The following MS4A10 variants were observed in gnomAD, a reference collection of about 807,000 sequenced individuals.
The protein encoded by MS4A10 is membrane spanning 4-domains A10.
Under a neutral mutation model 27.7 loss-of-function variants are expected in MS4A10, and 27 were observed. The observed-to-expected ratio is 0.98, with a 90% CI of 0.72 to 1.35. The LOEUF (loss-of-function observed/expected upper bound fraction) is 1.35. Ranked by LOEUF, MS4A10 falls within the 40% of genes most tolerant of loss-of-function variation. MS4A10 has a pLI of 0.00. For synonymous variants in MS4A10, 139 were observed against 131.2 expected (o/e 1.06, Z -0.41); for missense variants, 338 against 324.7 (o/e 1.04, Z -0.32).
chr11:60,787,896 A>G (rs1214989453), intron 1 of MS4A10, among the ~76,000 whole-genome samples: 1 of 152,102 alleles, frequency 6.6e-6, no homozygotes, highest in Non-Finnish European at 1.5e-5. Flanking sequence ...AGGTGCCTGT[A>G]ATCCCAGTTA....
Position 60,792,307 on chromosome 11 carries a change from T to C in MS4A10, c.346T>C (p.Ser116Pro). ...GILAITMKTF[S>P]KTYLKMLCLM... ...CTTGGCGATAACAATGAAGACCTTT[T>C]CTAAAACTTACCTGGTGAGTGGGCA... The change falls in exon 4 of 8, where the codon TCT becomes CCT. Residue 116 changes from serine (S) to proline (P), a missense_variant. Ser to Pro is a moderately conservative substitution (Grantham distance 74). Coordinates refer to ENST00000308287, the MANE Select transcript of MS4A10 (RefSeq NM_206893.4). 1 of 1,612,116 alleles carries C rather than the reference T, an allele frequency of 6.2e-7. No homozygotes were observed. The highest frequency in any genetic ancestry group is 8.5e-7 in the Non-Finnish European group (1 of 1,178,160).
intron 7 of MS4A10, among the ~76,000 whole-genome samples, 179 bp from the exon 8 acceptor site, chr11:60,799,649 C>T (rs866258530): frequency 7.2e-5 from 11 of 152,200 alleles, no homozygotes; most frequent in Non-Finnish European, 1.5e-4. Flanking sequence ...GAGCCATCAC[C>T]CTTGCCCTTC....
In MS4A10 at chr11:60,800,064, G is replaced by A. The variant is rs1565084731; in HGVS notation, c.*155G>A. 4 of 1,087,110 alleles carry A rather than the reference G, an allele frequency of 3.7e-6. No homozygotes were observed. Among genetic ancestry groups the A allele is most frequent in the Admixed American group, 2.2e-5 (1 of 44,734 alleles). The allele number at this position is 1,087,110 out of a possible 1,614,324, so 67.3% of individuals were successfully genotyped here. The stretch of plus-strand genomic sequence containing the variant: ...AGCCCTCACAGCTCCTGGGAACGCT[G>A]TCCTCTCAGATAAGCCATTTCTTAC... On this transcript the variant is annotated 3_prime_UTR_variant, in exon 8 of 8. Coordinates refer to ENST00000308287, the MANE Select transcript of MS4A10 (RefSeq NM_206893.4).
intron 1 of MS4A10, among the ~76,000 whole-genome samples, chr11:60,786,990 C>G (rs1301104089): frequency 1.3e-5 from 2 of 152,212 alleles, no homozygotes; most frequent in Non-Finnish European, 2.9e-5. Flanking sequence ...CAACTTCCAG[C>G]GCTCAGGGCC....
At chr11:60,798,547 T>C in intron 7 of MS4A10, 33 bp downstream of exon 7, 1 of 1,541,334 alleles carries the variant, frequency 6.5e-7, no homozygotes, top group South Asian at 1.1e-5. Flanking sequence ...CCCCAGACCT[T>C]CAGAACCCAC....
intron 1 of MS4A10, among the ~76,000 whole-genome samples, chr11:60,786,172 T>TGCACACAC (rs200289217): frequency 0.044 from 5,777 of 131,446 alleles, 389 homozygotes; most frequent in African/African-American, 0.15. Flanking sequence ...TGCACACACA[T>TGCACACAC]GCACACACAC....
At chr11:60,796,940 A>C (rs1854543297) in intron 6 of MS4A10, among the ~76,000 whole-genome samples, 1 of 152,208 alleles carries the variant, frequency 6.6e-6, no homozygotes, top group Non-Finnish European at 1.5e-5. Context: ...CAACTTTAGA[A>C]CATTATTTAA....
intron 6 of MS4A10, among the ~76,000 whole-genome samples, chr11:60,797,692 C>T (rs1278015490): frequency 1.3e-5 from 2 of 152,226 alleles, no homozygotes; most frequent in Non-Finnish European, 2.9e-5. Flanking sequence ...AACCTTAATT[C>T]CTCTCTGCCG....
chr11:60,799,804 T>A, intron 7 of MS4A10, 24 bp from the exon 8 acceptor site: 1 of 1,075,024 alleles, frequency 9.3e-7, no homozygotes, highest in East Asian at 2.4e-5. Context: ...CTGCTGTTGC[T>A]ATTAATATCT....
intron 4 of MS4A10, 112 bp downstream of exon 4, chr11:60,792,433 G>A: frequency 2.5e-6 from 2 of 808,746 alleles, no homozygotes; most frequent in African/African-American, 1.7e-5. Flanking sequence ...CTTGCTAAGA[G>A]CAGGCTCTTG....
chr11:60,799,876 C>T lies in MS4A10; in HGVS notation c.771C>T (p.Asp257=), dbSNP rs142117652. ...CCCCGGACACATGGATAGTCACTGACGGAGCTGCGATCTGGACCCAGACTG... is the reference window on the plus strand; with the variant it reads ...CCCCGGACACATGGATAGTCACTGATGGAGCTGCGATCTGGACCCAGACTG... ...QVAPDTWIVT[D]GAAIWTQTAN is the part of the protein sequence containing the mutation. Residue 257 remains aspartate, a synonymous_variant, in exon 8 of 8, where the codon GAC becomes GAT. Coordinates refer to ENST00000308287, the MANE Select transcript of MS4A10 (RefSeq NM_206893.4). 13 of 1,612,648 alleles carry T rather than the reference C, an allele frequency of 8.1e-6. No homozygotes were observed. The East Asian group carries it at 1.3e-4, about 17-fold the overall frequency.
intron 5 of MS4A10, among the ~76,000 whole-genome samples, chr11:60,794,667 TTTTC>T (rs909313044): frequency 6.6e-6 from 1 of 152,054 alleles, no homozygotes; most frequent in Admixed American, 6.5e-5. Flanking sequence ...AAGAATTCTT[TTTTC>T]TTTTTTTTTG....
At position 60,799,828 on chromosome 11, in the gene MS4A10, G is replaced by A; in HGVS notation, c.723G>A (p.Arg241=). The stretch of plus-strand genomic sequence containing the variant: ...CTATTAATATCTCCATTTCATGCAG[G>A]CTCAGAGAAGTTAAGCAAGTTGCCC... ...QGDAQHKQHQ[R]LREVKQVAPD... is the part of the protein sequence containing the mutation. The change falls in exon 8 of 8, where the codon AGG becomes AGA. Residue 241 remains arginine (R), a splice_region_variant and synonymous_variant. Coordinates refer to ENST00000308287, the MANE Select transcript of MS4A10 (RefSeq NM_206893.4). The A allele has an allele frequency of 7.4e-7, 1 of 1,351,306 alleles. No individual in the cohort carries two copies. The highest frequency in any genetic ancestry group is 1.1e-6 in the Non-Finnish European group (1 of 945,976). 83.7% of individuals were successfully genotyped at this position (1,351,306 alleles called of 1,614,324 possible). A position where few individuals can be genotyped will look rare whatever the true frequency, so the allele number is the denominator to read the frequency against.
chr11:60,800,178 T>A lies in MS4A10; in HGVS notation c.*269T>A. The A allele has an allele frequency of 2.2e-6, 1 of 459,974 alleles. No individual in the cohort carries two copies. Among genetic ancestry groups the A allele is most frequent in the Admixed American group, 3.6e-5 (1 of 27,910 alleles). The allele number at this position is 459,974 out of a possible 1,614,324, so 28.5% of individuals were successfully genotyped here. Reference sequence around the variant, plus strand: ...TTTCTTTTGTTTTGTTGAGATGGAGTCTCGCTCTGTTGCCCAGCCCAGAGT... The same window carrying A: ...TTTCTTTTGTTTTGTTGAGATGGAGACTCGCTCTGTTGCCCAGCCCAGAGT... On this transcript the variant is annotated 3_prime_UTR_variant, in exon 8 of 8. Transcript: ENST00000308287.
In MS4A10 at chr11:60,798,267, T is replaced by C. The variant is rs1854564886; in HGVS notation, c.604-129T>C. ...TGGTCTATGGAAGTCGCTTCGTCTC[T>C]CAAGCCTCAGTTTCCCCACATTCAT... On this transcript the variant is annotated intron_variant, in intron 6 of 7. Transcript: ENST00000308287. 4.1e-6 allele frequency: 3 copies of C among 729,822 alleles called. No homozygotes were observed. The Admixed American group carries it at 6.6e-5, about 16-fold the overall frequency. 45.2% of individuals were successfully genotyped at this position (729,822 alleles called of 1,614,324 possible). A position where few individuals can be genotyped will look rare whatever the true frequency, so the allele number is the denominator to read the frequency against.
At position 60,796,368 on chromosome 11, in the gene MS4A10, C is replaced by T. The variant is rs147551837; in HGVS notation, c.603+703C>T. On this transcript the variant is annotated intron_variant, in intron 6 of 7. Coordinates refer to ENST00000308287, the MANE Select transcript of MS4A10 (RefSeq NM_206893.4). The stretch of plus-strand genomic sequence containing the variant: ...CACGATCTCGGCCCACTGCAACCTC[C>T]GCCTCCCGGGTTCAAGCAATTCTCC... Among the ~76,000 whole-genome samples the T allele has an allele frequency of 7.8e-3, 1,185 of 152,222 alleles. 23 individuals carry two copies. Among genetic ancestry groups the T allele is most frequent in the African/African-American group, 0.027 (1,107 of 41,518 alleles).
At chr11:60,796,108 C>T (rs1225904238) in intron 6 of MS4A10, among the ~76,000 whole-genome samples, 1 of 152,054 alleles carries the variant, frequency 6.6e-6, no homozygotes, top group Non-Finnish European at 1.5e-5. Flanking sequence ...TGGAGTTTGG[C>T]TGTAGTGGAA....
chr11:60,794,058 GA>G lies in MS4A10; in HGVS notation c.448del (p.Ser150AlafsTer31). 6.2e-7 allele frequency: 1 copy of G among 1,614,188 alleles called. No homozygotes were observed. The highest frequency in any genetic ancestry group is 8.5e-7 in the Non-Finnish European group (1 of 1,180,034). ...FVISKDLFLESPFESPIWRMY... is the reference protein window; with the variant it reads ...FVISKDLFLEXPFESPIWRMY... ...TCATCTCCAAGGATCTCTTTCTGGAGAGCCCATTTGAGTCCCCGATCTGGAG... is the reference window on the plus strand; with the variant it reads ...TCATCTCCAAGGATCTCTTTCTGGAGGCCCATTTGAGTCCCCGATCTGGAG... On this transcript the variant is annotated frameshift_variant, in exon 5 of 8. Coordinates refer to ENST00000308287, the MANE Select transcript of MS4A10 (RefSeq NM_206893.4). LOFTEE classifies it high-confidence loss of function.
intron 6 of MS4A10, among the ~76,000 whole-genome samples, chr11:60,797,771 G>A (rs11230480): frequency 1.3e-5 from 2 of 152,094 alleles, no homozygotes; most frequent in South Asian, 4.1e-4. Flanking sequence ...TAGCTAAGAT[G>A]TCCTTGAATC....
Sources: gnomAD v4.1 joint callset for allele counts (sites outside exome capture counted in the v4.1 genomes callset) on GRCh38, gnomAD v4.1.1 for gene constraint, MANE v1.5 for transcripts, NCBI Gene and HGNC (gene_info 2026-07-23, HGNC 2026-07-21) for gene names.